Variants in PKIB observed in about 807,000 individuals in gnomAD.
PKIB encodes the protein cAMP-dependent protein kinase inhibitor beta.
In PKIB, 2 loss-of-function variants were observed where a neutral mutation model predicts 4.5. The ratio of observed to expected loss-of-function variants is 0.44; its 90% CI spans 0.18 to 1.39. The LOEUF (loss-of-function observed/expected upper bound fraction) is 1.39. PKIB is among the 40% of genes most tolerant of loss of function. PKIB has a pLI of 0.27. For synonymous variants in PKIB, 38 were observed against 36.0 expected (o/e 1.06, Z -0.20); for missense variants, 94 against 92.6 (o/e 1.02, Z -0.06).
chr6:122,561,994 G>GTTTTTTTTT lies in PKIB; in HGVS notation c.-247-23926_-247-23918dup. Among the ~76,000 whole-genome samples the GTTTTTTTTT allele has an allele frequency of 1.3e-3, 54 of 40,894 alleles. 5 individuals are homozygous for GTTTTTTTTT. The highest frequency in any genetic ancestry group is 1.6e-3 in the Non-Finnish European group (34 of 21,674). 26.8% of individuals were successfully genotyped at this position (40,894 alleles called of 152,430 possible). On this transcript the variant is annotated intron_variant, in intron 2 of 6. Coordinates refer to the PKIB transcript ENST00000392491. Reference sequence around the variant, plus strand: ...GCATAGTTTTTTTTTGTTTGTTTTTGTTTTTTTTTGTTTTTTTTTTTTTTT... The same window carrying GTTTTTTTTT: ...GCATAGTTTTTTTTTGTTTGTTTTTGTTTTTTTTTTTTTTTTTTGTTTTTTTTTTTTTTT...
rs866097779 is a variant in PKIB, at chr6:122,587,974, A to C, written c.-161+1967A>C. ...AAAATTTTCTCCCATTCTGTAGGTTACCTGTTCACTCTGATGGTAGTTTCT... is the reference window on the plus strand; with the variant it reads ...AAAATTTTCTCCCATTCTGTAGGTTCCCTGTTCACTCTGATGGTAGTTTCT... On this transcript the variant is annotated intron_variant, in intron 3 of 6. Transcript: ENST00000392491. 2.0e-5 allele frequency among the ~76,000 whole-genome samples: 3 copies of C among 151,896 alleles called. No homozygotes were observed. In the East Asian group the frequency reaches 5.8e-4, roughly 29 times the overall value.
chr6:122,668,854 T>C (rs573876110), intron 2 of PKIB, among the ~76,000 whole-genome samples: 5 of 152,362 alleles, frequency 3.3e-5, no homozygotes, highest in Non-Finnish European at 5.9e-5. Context: ...TAAATCACCA[T>C]ATCTTCCAAT....
In PKIB at chr6:122,524,163, C is replaced by T. The variant is rs1394700458; in HGVS notation, c.-248+46224C>T. On this transcript the variant is annotated intron_variant, in intron 2 of 6. Transcript: ENST00000392491. The stretch of plus-strand genomic sequence containing the variant: ...CCTCCTCCTCCCCCTCCTCCTCTTG[C>T]CCTTCCTCCTCCTCCTCTTCATCCT... 2.3e-5 allele frequency among the ~76,000 whole-genome samples: 3 copies of T among 132,276 alleles called. No individual in the cohort carries two copies. In the East Asian group the frequency reaches 7.1e-4, roughly 31 times the overall value. 86.8% of individuals were successfully genotyped at this position (132,276 alleles called of 152,430 possible). A position where few individuals can be genotyped will look rare whatever the true frequency, so the allele number is the denominator to read the frequency against.
At chr6:122,586,480 G>A (rs1773851506) in intron 3 of PKIB, among the ~76,000 whole-genome samples, 1 of 152,030 alleles carries the variant, frequency 6.6e-6, no homozygotes, top group South Asian at 2.1e-4. Flanking sequence ...TGCCTTTGAT[G>A]CTACTACAAC....
At chr6:122,714,644 C>A (rs1019412888) in intron 3 of PKIB, among the ~76,000 whole-genome samples, 1 of 152,008 alleles carries the variant, frequency 6.6e-6, no homozygotes, top group African/African-American at 2.4e-5. Flanking sequence ...TTTAGAAGTT[C>A]TTTTTTAACA....
At chr6:122,589,207 AT>A (rs1773943855) in intron 3 of PKIB, among the ~76,000 whole-genome samples, 1 of 152,132 alleles carries the variant, frequency 6.6e-6, no homozygotes, top group Non-Finnish European at 1.5e-5. Context: ...GAGAACTTAA[AT>A]GTTTTTGCGT....
At chr6:122,528,031 G>T (rs192861940) in intron 2 of PKIB, among the ~76,000 whole-genome samples, 1 of 151,948 alleles carries the variant, frequency 6.6e-6, no homozygotes, top group Non-Finnish European at 1.5e-5. Context: ...AGTTTGCTTC[G>T]TATATTTTTA....
At chr6:122,583,067 T>C (rs543277164) in intron 2 of PKIB, among the ~76,000 whole-genome samples, 13 of 152,164 alleles carry the variant, frequency 8.5e-5, no homozygotes, top group Admixed American at 8.5e-4. Flanking sequence ...ATACCCCAAG[T>C]GTTTTCTTTC....
At chr6:122,524,196 T>C (rs1777029017) in intron 2 of PKIB, among the ~76,000 whole-genome samples, 1 of 142,652 alleles carries the variant, frequency 7.0e-6, no homozygotes. Context: ...CCTCCTCTTC[T>C]TCTTTCTTCT....
At chr6:122,576,710 A>ATATATATTTTTTT (rs59569106) in intron 2 of PKIB, among the ~76,000 whole-genome samples, 1 of 109,988 alleles carries the variant, frequency 9.1e-6, no homozygotes, top group African/African-American at 4.0e-5. Context: ...ATATATATAT[A>ATATATATTTTTTT]TTTTCTTTTG....
chr6:122,591,066 C>T (rs118070017), intron 3 of PKIB, among the ~76,000 whole-genome samples: 2,286 of 151,634 alleles, frequency 0.015, 26 homozygotes, highest in South Asian at 0.03. Flanking sequence ...TGATTTCAGA[C>T]ATCTGACAGA....
chr6:122,546,785 G>C (rs1055119758), intron 2 of PKIB, among the ~76,000 whole-genome samples: 1 of 152,002 alleles, frequency 6.6e-6, no homozygotes, highest in Non-Finnish European at 1.5e-5. Flanking sequence ...TTAATGAATT[G>C]AATGCTAAAT....
chr6:122,689,326 T>C (rs115358189), intron 3 of PKIB, among the ~76,000 whole-genome samples: 124 of 152,312 alleles, frequency 8.1e-4, no homozygotes, highest in African/African-American at 2.9e-3. Context: ...TTCTCTTGCT[T>C]TTCTAGTTCT....
intron 2 of PKIB, chr6:122,644,217 T>C (rs1193377820): frequency 2.0e-5 from 3 of 152,222 alleles, no homozygotes; most frequent in African/African-American, 7.2e-5. Context: ...ATATTTCTTT[T>C]GCTGTTTTTG....
intron 3 of PKIB, among the ~76,000 whole-genome samples, chr6:122,675,759 A>G (rs898272741): frequency 6.6e-6 from 1 of 152,188 alleles, no homozygotes; most frequent in Non-Finnish European, 1.5e-5. Context: ...TCACAAACAA[A>G]TATTTTATTA....
chr6:122,547,358 G>A (rs138335862), intron 2 of PKIB, among the ~76,000 whole-genome samples: 1,785 of 151,950 alleles, frequency 0.012, 58 homozygotes, highest in African/African-American at 0.041. Flanking sequence ...TTTTCGAGAC[G>A]GAGTTTCACT....
intron 2 of PKIB, among the ~76,000 whole-genome samples, chr6:122,523,134 C>G (rs1776993451): frequency 6.6e-6 from 1 of 151,998 alleles, no homozygotes; most frequent in Admixed American, 6.6e-5. Flanking sequence ...CATAAATGGC[C>G]TTTATTATGT....
intron 3 of PKIB, among the ~76,000 whole-genome samples, chr6:122,676,262 G>A (rs535208533): frequency 2.0e-5 from 3 of 151,952 alleles, no homozygotes; most frequent in South Asian, 4.2e-4. Flanking sequence ...TGCTCCTATG[G>A]GAATCTAATG....
chr6:122,585,539 G>A (rs1293054824), intron 2 of PKIB: 1 of 152,062 alleles, frequency 6.6e-6, no homozygotes, highest in Non-Finnish European at 1.5e-5. Context: ...CTAAAGGAGA[G>A]GAATCTTAAA....
Sources: gnomAD v4.1 joint callset for allele counts (sites outside exome capture counted in the v4.1 genomes callset) on GRCh38, gnomAD v4.1.1 for gene constraint, MANE v1.5 for transcripts, NCBI Gene and HGNC (gene_info 2026-07-23, HGNC 2026-07-21) for gene names.